Variants in AGBL2 observed in about 807,000 individuals in gnomAD.
The protein encoded by AGBL2 is AGBL carboxypeptidase 2.
AGBL2 carries 87 observed loss-of-function variants against 103.0 expected under a neutral mutation model. The ratio of observed to expected loss-of-function variants is 0.84; its 90% CI spans 0.71 to 1.01. AGBL2 has a LOEUF of 1.01. AGBL2 is among the 50% of genes least tolerant of loss of function. The pLI, the probability that AGBL2 is intolerant of heterozygous loss-of-function variation, is 0.00. For missense variants in AGBL2, 904 were observed against 1,023.5 expected, an observed-to-expected ratio of 0.88 and a Z score of 1.59; for synonymous variants, 335 against 356.7, an observed-to-expected ratio of 0.94 and a Z score of 0.69.
In AGBL2 at chr11:47,663,100, T is replaced by C. The variant is rs1171845210; in HGVS notation, c.2461A>G (p.Arg821Gly). 10 of 1,587,934 alleles carry C rather than the reference T, an allele frequency of 6.3e-6. No homozygotes were observed. The highest frequency in any genetic ancestry group is 4.7e-5 in the South Asian group (4 of 85,606). The change falls in exon 18 of 19, where the codon AGA becomes GGA. Residue 821 changes from arginine to glycine, a missense_variant. By Grantham distance (125) the Arg-to-Gly change is moderately radical. Coordinates refer to ENST00000525123, the MANE Select transcript of AGBL2 (RefSeq NM_024783.4). Reference protein sequence around the residue: ...NPRLNETNLNRRDKDTPLDPS... With the variant: ...NPRLNETNLNGRDKDTPLDPS... ...TCCAGGGGGGTGTCTTTGTCTCTTC[T>C]ATTTAAATTTGTCTAAAATAAATGA...
chr11:47,704,181 G>C (rs962319854), intron 7 of AGBL2, among the ~76,000 whole-genome samples: 1 of 151,720 alleles, frequency 6.6e-6, no homozygotes, highest in Admixed American at 6.6e-5. Flanking sequence ...CTCAGATCTT[G>C]TAATAAAGTC....
At chr11:47,681,831 T>G in intron 12 of AGBL2, 138 bp downstream of exon 12, 1 of 1,090,200 alleles carries the variant, frequency 9.2e-7, no homozygotes, top group Non-Finnish European at 1.3e-6. Flanking sequence ...TGTTGGGCAC[T>G]CAAATTTAGC....
rs143917002 is a variant in AGBL2 at position 47,690,332 on chromosome 11, C to A, written c.1375G>T (p.Ala459Ser). 50 of 1,613,830 alleles carry A rather than the reference C, an allele frequency of 3.1e-5. No homozygotes were observed. In the African/African-American group the frequency reaches 6.0e-4, roughly 19 times the overall value. The change falls in exon 10 of 19, where the codon GCC becomes TCC. Residue 459 changes from alanine to serine, a missense_variant. Coordinates refer to ENST00000525123, the MANE Select transcript of AGBL2 (RefSeq NM_024783.4). ...AAAKKAVVLSARVHPGESNGS... is the reference protein window; with the variant it reads ...AAAKKAVVLSSRVHPGESNGS... ...TTACTTTCTCCAGGGTGAACTCTGG[C>A]ACTCAAGACCACAGCTTTCTTTGCA...
intron 18 of AGBL2, among the ~76,000 whole-genome samples, chr11:47,661,410 C>A (rs2097327595): frequency 6.6e-6 from 1 of 151,850 alleles, no homozygotes; most frequent in African/African-American, 2.4e-5. Flanking sequence ...TTTATTTAAG[C>A]CTATCTTTTC....
chr11:47,665,785 G>C (rs951202121), intron 17 of AGBL2, among the ~76,000 whole-genome samples: 1 of 151,958 alleles, frequency 6.6e-6, no homozygotes, highest in East Asian at 1.9e-4. Context: ...TGAGGCAGGC[G>C]GATCACCTGA....
intron 14 of AGBL2, among the ~76,000 whole-genome samples, chr11:47,675,369 T>C (rs2097371258): frequency 1.5e-5 from 2 of 136,296 alleles, no homozygotes; most frequent in African/African-American, 5.3e-5. Context: ...CCCGACCCCC[T>C]GCTAAGTTTT....
At chr11:47,694,406 T>C (rs1325563175) in intron 8 of AGBL2, among the ~76,000 whole-genome samples, 1 of 152,060 alleles carries the variant, frequency 6.6e-6, no homozygotes, top group African/African-American at 2.4e-5. Flanking sequence ...TTTTTCTGAA[T>C]GTGGGTCCAG....
At position 47,668,898 on chromosome 11, in the gene AGBL2, G is replaced by A. The variant is rs143896953; in HGVS notation, c.2157C>T (p.Gly719=). 145 of 1,611,698 alleles carry A rather than the reference G, an allele frequency of 9.0e-5. No homozygotes were observed. The highest frequency in any genetic ancestry group is 1.2e-4 in the Non-Finnish European group (139 of 1,178,360). The change falls in exon 15 of 19, where the codon GGC becomes GGT. Residue 719 remains glycine (G), a synonymous_variant. Transcript: ENST00000525123. ...SLSDIESSTS[G]SDSSLSDGLP... ...GACCATCTGAGAGAGAACTGTCAGA[G>A]CCACTGGTGCTGTTTCCAAAAGAAA...
At chr11:47,688,224 G>T (rs975306176) in intron 10 of AGBL2, among the ~76,000 whole-genome samples, 3 of 152,222 alleles carry the variant, frequency 2.0e-5, no homozygotes, top group Middle Eastern at 6.8e-3. Context: ...CTCTCAAAGT[G>T]CTGGGATTAC....
chr11:47,680,799 AC>A (rs2097398512), intron 12 of AGBL2, among the ~76,000 whole-genome samples: 2 of 151,772 alleles, frequency 1.3e-5, no homozygotes, highest in African/African-American at 4.8e-5. Context: ...ACAAAACAAA[AC>A]AAAACAAAAC....
At chr11:47,703,043 A>G (rs2097504760) in intron 7 of AGBL2, among the ~76,000 whole-genome samples, 1 of 152,202 alleles carries the variant, frequency 6.6e-6, no homozygotes, top group African/African-American at 2.4e-5. Flanking sequence ...ACTTGCTCCA[A>G]GAGCTCACAG....
Position 47,671,884 on chromosome 11 carries a change from G to C in AGBL2, c.2148-2977C>G, listed in dbSNP as rs1215088340. Among the ~76,000 whole-genome samples the C allele has an allele frequency of 2.0e-5, 3 of 152,196 alleles. No individual in the cohort carries two copies. In the South Asian group the frequency reaches 6.2e-4, roughly 32 times the overall value. On this transcript the variant is annotated intron_variant, in intron 14 of 18. Coordinates refer to ENST00000525123, the MANE Select transcript of AGBL2 (RefSeq NM_024783.4). The stretch of plus-strand genomic sequence containing the variant: ...CAAAACCTTTGTGTGTACACACACA[G>C]AGCAAACTCAAACTGGGCTTGTACA...
intron 17 of AGBL2, chr11:47,666,686 G>C (rs538522241): frequency 5.2e-5 from 31 of 592,980 alleles, no homozygotes; most frequent in African/African-American, 5.1e-4. Flanking sequence ...TGGGTGAGTA[G>C]AGGGATGAAT....
intron 14 of AGBL2, among the ~76,000 whole-genome samples, chr11:47,670,948 T>C (rs903158465): frequency 1.3e-5 from 2 of 151,890 alleles, no homozygotes; most frequent in East Asian, 3.9e-4. Flanking sequence ...TGAGCTGTGA[T>C]TGCGCCACTG....
rs766033362 is a variant in AGBL2 at position 47,705,956 on chromosome 11, T to C, written c.233-39A>G. On this transcript the variant is annotated intron_variant, in intron 4 of 18. Coordinates refer to ENST00000525123, the MANE Select transcript of AGBL2 (RefSeq NM_024783.4). ...GAGGAGGCACCCTTGGTGTCAGGGA[T>C]CGTTGTCTTCTTTTCTTCTGTCTGC... is the stretch of plus-strand genomic sequence containing the variant. 2.5e-6 allele frequency: 4 copies of C among 1,571,636 alleles called. No individual in the cohort carries two copies. In the East Asian group the frequency reaches 9.0e-5, roughly 35 times the overall value.
chr11:47,667,463 AAT>A, intron 16 of AGBL2, 106 bp downstream of exon 16: 20 of 1,342,330 alleles, frequency 1.5e-5, no homozygotes, highest in Non-Finnish European at 2.0e-5. Context: ...CCTCTGCCCC[AAT>A]CTCCATCCCC....
intron 7 of AGBL2, among the ~76,000 whole-genome samples, chr11:47,700,750 G>A (rs962058784): frequency 7.2e-5 from 11 of 152,046 alleles, no homozygotes; most frequent in Admixed American, 6.6e-4. Context: ...GAAGATTATA[G>A]GAAGTGATGA....
At chr11:47,694,569 C>A (rs1405847979) in intron 8 of AGBL2, among the ~76,000 whole-genome samples, 1 of 152,134 alleles carries the variant, frequency 6.6e-6, no homozygotes, top group Non-Finnish European at 1.5e-5. Flanking sequence ...TAGCTATGAG[C>A]AGTGTATGTC....
At position 47,666,391 on chromosome 11, in the gene AGBL2, CA is replaced by C. The variant is rs35531290; in HGVS notation, c.2448+564del. ...TGGGTAACAGAGTAAGACTCCATCT[CA>C]AAAAAAAAAAAAAGAAAAAAAATCA... is the stretch of plus-strand genomic sequence containing the variant. On this transcript the variant is annotated intron_variant, in intron 17 of 18. Transcript: ENST00000525123. Among the ~76,000 whole-genome samples the C allele has an allele frequency of 7.1e-3, 793 of 111,368 alleles. 2 individuals carry two copies. Among genetic ancestry groups the C allele is most frequent in the Middle Eastern group, 0.019 (4 of 208 alleles). The allele number at this position is 111,368 out of a possible 152,430, so 73.1% of individuals were successfully genotyped here.
Sources: gnomAD v4.1 joint callset for allele counts (sites outside exome capture counted in the v4.1 genomes callset) on GRCh38, gnomAD v4.1.1 for gene constraint, MANE v1.5 for transcripts, NCBI Gene and HGNC (gene_info 2026-07-23, HGNC 2026-07-21) for gene names.